Variants in ARHGEF1 observed in about 807,000 individuals in gnomAD.
ARHGEF1 encodes the protein 115 kDa guanine nucleotide exchange factor.
ARHGEF1 carries 40 observed loss-of-function variants against 119.7 expected under a neutral mutation model. That is an observed-to-expected ratio of 0.33 (90% CI 0.26 to 0.44). The LOEUF is 0.44. ARHGEF1 is among the 20% of genes least tolerant of loss of function. The pLI is 1.00. For missense variants in ARHGEF1, 976 were observed against 1,268.3 expected, an observed-to-expected ratio of 0.77 and a Z score of 3.50; for synonymous variants, 494 against 521.0, an observed-to-expected ratio of 0.95 and a Z score of 0.71.
chr19:41,888,323 T>C lies in ARHGEF1; in HGVS notation c.111+45T>C. ...GAAAAGCTCTGTCCCAGGCTCAGTG[T>C]CCCGCCCCAGGTCCCCTCCCACCTG... On this transcript the variant is annotated intron_variant, in intron 3 of 28. Coordinates refer to ENST00000354532, the MANE Select transcript of ARHGEF1 (RefSeq NM_004706.4). This position sits in a 1 kb window ranked among gnomAD's most constrained non-coding sequence, Gnocchi z 5.1. The C allele has an allele frequency of 1.9e-6, 3 of 1,592,954 alleles. No individual in the cohort carries two copies. The highest frequency in any genetic ancestry group is 2.6e-6 in the Non-Finnish European group (3 of 1,165,314).
intron 13 of ARHGEF1, chr19:41,897,377 T>C: frequency 8.6e-7 from 1 of 1,167,668 alleles, no homozygotes; most frequent in Non-Finnish European, 1.1e-6. Context: ...CCCCCATTTC[T>C]CCCAGCCCCT....
intron 18 of ARHGEF1, among the ~76,000 whole-genome samples, chr19:41,915,019 GTCCCTGTCCCGCGTCTC>G (rs1351355074): frequency 3.6e-4 from 27 of 76,050 alleles, no homozygotes; most frequent in Non-Finnish European, 5.4e-4. Context: ...CCCCCACCGT[GTCCCTGTCCCGCGTCTC>G]TCCAGCAGCC....
intron 18 of ARHGEF1, chr19:41,912,898 C>T (rs2074762242): frequency 4.1e-6 from 5 of 1,231,568 alleles, no homozygotes; most frequent in East Asian, 3.2e-5. Flanking sequence ...AAGAGAAGGT[C>T]GGAGACGCAG....
chr19:41,912,165 G>A (rs1462428952), downstream of ARHGEF1, among the ~76,000 whole-genome samples: 3 of 152,220 alleles, frequency 2.0e-5, no homozygotes, highest in African/African-American at 7.2e-5. Flanking sequence ...AGATGTGCAC[G>A]TACAAGCAAA....
chr19:41,929,366 G>C (rs1466180582), intron 2 of ARHGEF1, among the ~76,000 whole-genome samples: 1 of 151,936 alleles, frequency 6.6e-6, no homozygotes, highest in Non-Finnish European at 1.5e-5. Flanking sequence ...CTCCCACAAG[G>C]TCACAGGCAC....
At chr19:41,908,764 A>G (rs1346703422), downstream of ARHGEF1, 3 of 619,846 alleles carry the variant, frequency 4.8e-6, no homozygotes, top group South Asian at 1.7e-4. The surrounding 1 kb of genome is among the most constrained non-coding windows in gnomAD (Gnocchi z 6.7). Flanking sequence ...ATCCCACCCC[A>G]TCTCCCCGCA....
chr19:41,905,139 G>A lies in ARHGEF1; in HGVS notation c.2250-36G>A. ...GGAGGCCCTGGCATAGGGTCTGGGG[G>A]CTCTGACTGCCCAGGGATTTGGCCT... On this transcript the variant is annotated intron_variant, in intron 23 of 28. Transcript: ENST00000354532. This position sits in a 1 kb window ranked among gnomAD's most constrained non-coding sequence, Gnocchi z 6.4. The A allele has an allele frequency of 1.9e-6, 3 of 1,612,536 alleles. No homozygotes were observed. The highest frequency in any genetic ancestry group is 1.1e-5 in the South Asian group (1 of 91,040).
intron 1 of ARHGEF1, among the ~76,000 whole-genome samples, chr19:41,927,617 A>G (rs2074879279): frequency 1.3e-5 from 2 of 152,036 alleles, no homozygotes; most frequent in South Asian, 4.1e-4. Context: ...CCAAATATGC[A>G]AGCCCTCAGC....
At chr19:41,900,058 G>A (rs2074574909) in intron 14 of ARHGEF1, among the ~76,000 whole-genome samples, 1 of 152,160 alleles carries the variant, frequency 6.6e-6, no homozygotes, top group South Asian at 2.1e-4. Flanking sequence ...ACTAGGCCAG[G>A]CACAGTGGCT....
At chr19:41,896,790 CCCTCCTCTCTCACCTCCCCT>C (rs2074498938) in intron 13 of ARHGEF1, 1 of 504,062 alleles carries the variant, frequency 2.0e-6, no homozygotes, top group African/African-American at 2.2e-5. Flanking sequence ...CTTTATTTCC[CCCTCCTCTCTCACCTCCCCT>C]CTCCTCTCTC....
At chr19:41,898,130 C>G in intron 13 of ARHGEF1, 25 of 1,396,884 alleles carry the variant, frequency 1.8e-5, no homozygotes, top group Admixed American at 6.8e-5. Flanking sequence ...CAACCCTCTC[C>G]CTTCCCCCAT....
chr19:41,888,329 C>T lies in ARHGEF1; in HGVS notation c.111+51C>T, dbSNP rs2074326071. The T allele has an allele frequency of 1.3e-6, 2 of 1,569,056 alleles. No individual in the cohort carries two copies. The highest frequency in any genetic ancestry group is 2.2e-5 in the South Asian group (2 of 89,982). Reference sequence around the variant, plus strand: ...CTCTGTCCCAGGCTCAGTGTCCCGCCCCAGGTCCCCTCCCACCTGCAGATG... The same window carrying T: ...CTCTGTCCCAGGCTCAGTGTCCCGCTCCAGGTCCCCTCCCACCTGCAGATG... On this transcript the variant is annotated intron_variant, in intron 3 of 28. Transcript: ENST00000354532. This position sits in a 1 kb window ranked among gnomAD's most constrained non-coding sequence, Gnocchi z 5.1.
rs782133239 is a variant in ARHGEF1, at chr19:41,904,375, T to C, written c.2153T>C (p.Val718Ala). Residue 718 changes from valine to alanine, a missense_variant, in exon 22 of 29, where the codon GTG (valine) becomes GCG (alanine). Around this residue, in one of 3 missense-constraint regions of ARHGEF1, gnomAD observed 286 missense variants for 506.8 expected, o/e 0.56. Coordinates refer to ENST00000354532, the MANE Select transcript of ARHGEF1 (RefSeq NM_004706.4). The surrounding 1 kb of genome is among the most constrained non-coding windows in gnomAD (Gnocchi z 8.4). ...CTCACCTCCGCCATGACCCGCGAGG[T>C]GGCCACCGGTGAGTGCAGCCACTGC... is the stretch of plus-strand genomic sequence containing the variant. ...LRLTSAMTREVATDHKAFYVL... is the reference protein window; with the variant it reads ...LRLTSAMTREAATDHKAFYVL... 1 of 1,570,746 alleles carries C rather than the reference T, an allele frequency of 6.4e-7. No individual in the cohort carries two copies.
intron 4 of ARHGEF1, among the ~76,000 whole-genome samples, chr19:41,891,307 G>C (rs957872782): frequency 1.3e-5 from 2 of 152,102 alleles, no homozygotes; most frequent in African/African-American, 4.8e-5. Flanking sequence ...TTATGAAACA[G>C]TCTCGCTCTG....
rs568581639 is a variant in ARHGEF1 at position 41,906,878 on chromosome 19, C to A, written c.*17+75C>A. On this transcript the variant is annotated intron_variant, in intron 28 of 28. Coordinates refer to ENST00000354532, the MANE Select transcript of ARHGEF1 (RefSeq NM_004706.4). This position sits in a 1 kb window ranked among gnomAD's most constrained non-coding sequence, Gnocchi z 4.5. Reference sequence around the variant, plus strand: ...CCTCCAGAGCTCGCATCCCTACAGCCCCTTCTGTCCATCTCCCTCTTTGTC... The same window carrying A: ...CCTCCAGAGCTCGCATCCCTACAGCACCTTCTGTCCATCTCCCTCTTTGTC... 1.7e-6 allele frequency: 2 copies of A among 1,178,472 alleles called. No homozygotes were observed. Among genetic ancestry groups the A allele is most frequent in the Non-Finnish European group, 2.4e-6 (2 of 842,840 alleles). The allele number at this position is 1,178,472 out of a possible 1,614,324, so 73.0% of individuals were successfully genotyped here.
At chr19:41,884,539 G>A (rs781820843) in intron 1 of ARHGEF1, 2 of 1,600,496 alleles carry the variant, frequency 1.2e-6, no homozygotes, top group Admixed American at 1.7e-5. Context: ...GACTCTGCAC[G>A]TCCTCCCCGG....
Position 41,916,596 on chromosome 19 carries a change from AC to A in ARHGEF1, c.1866-6493del, listed in dbSNP as rs1244541840. 6.6e-6 allele frequency among the ~76,000 whole-genome samples: 1 copy of A among 152,030 alleles called. No homozygotes were observed. Among genetic ancestry groups the A allele is most frequent in the Non-Finnish European group, 1.5e-5 (1 of 68,014 alleles). Reference sequence around the variant, plus strand: ...CTGAGGCTCACAATCAAATACAGAAACCCAGATTCCCAAGCACACAATCGCA... The same window carrying A: ...CTGAGGCTCACAATCAAATACAGAAACCAGATTCCCAAGCACACAATCGCA... On this transcript the variant is annotated intron_variant, in intron 18 of 20. Coordinates refer to the ARHGEF1 transcript ENST00000599589. The surrounding 1 kb of genome is among the most constrained non-coding windows in gnomAD (Gnocchi z 5.4).
In ARHGEF1 at chr19:41,906,924, C is replaced by T; in HGVS notation, c.*17+121C>T. 1 of 963,764 alleles carries T rather than the reference C, an allele frequency of 1.0e-6. No individual in the cohort carries two copies. Among genetic ancestry groups the T allele is most frequent in the South Asian group, 1.7e-5 (1 of 57,690 alleles). The allele number at this position is 963,764 out of a possible 1,614,324, so 59.7% of individuals were successfully genotyped here. The stretch of plus-strand genomic sequence containing the variant: ...TTGTCTTTTCTGAATCTCCCCACTC[C>T]ACCTCGTGTTTCTCATCTCTGTGTC... On this transcript the variant is annotated intron_variant, in intron 28 of 28. Transcript: ENST00000354532. The surrounding 1 kb of genome is among the most constrained non-coding windows in gnomAD (Gnocchi z 4.5).
chr19:41,926,364 T>C (rs377457596), intron 1 of ARHGEF1, among the ~76,000 whole-genome samples: 2 of 151,976 alleles, frequency 1.3e-5, no homozygotes, highest in African/African-American at 4.8e-5. Flanking sequence ...CAGGCAGGTA[T>C]GAGGAGATAG....
Sources: allele counts gnomAD v4.1 joint callset (sites outside exome capture counted in the v4.1 genomes callset), GRCh38; gene constraint gnomAD v4.1.1; regional missense constraint gnomAD v4.1.1; non-coding constraint Gnocchi (gnomAD v3.1); transcripts MANE v1.5; gene names NCBI Gene and HGNC (gene_info 2026-07-23, HGNC 2026-07-21).